The following FANCB variants were observed in gnomAD, a reference collection of about 807,000 sequenced individuals.
FANCB encodes FA complementation group B.
In FANCB, 5 loss-of-function variants were observed where a neutral mutation model predicts 38.9. The observed-to-expected ratio is 0.13, with a 90% CI of 0.07 to 0.27. The LOEUF (loss-of-function observed/expected upper bound fraction) is 0.27. Ranked by LOEUF, FANCB falls within the 10% of genes least tolerant of loss-of-function variation. FANCB has a pLI of 1.00. For missense variants in FANCB, 573 were observed against 602.7 expected (o/e 0.95, Z 0.52); for synonymous variants, 236 against 215.4 (o/e 1.10, Z -0.84).
the FANCB span, among the ~76,000 whole-genome samples, chrX:14,810,560 G>T: frequency 3.6e-5 from 4 of 111,886 alleles, no homozygotes; most frequent in South Asian, 1.1e-3. Context: ...GGAAGAAAGG[G>T]TATCAGTGAT....
chrX:14,851,559 G>C (rs960645274), intron 6 of FANCB, among the ~76,000 whole-genome samples: 2 of 111,877 alleles, frequency 1.8e-5, no homozygotes, highest in African/African-American at 6.5e-5. Flanking sequence ...TGACACTACT[G>C]CCAGTAGCTG....
the FANCB span, among the ~76,000 whole-genome samples, chrX:14,720,141 A>AGT: frequency 9.0e-6 from 1 of 111,414 alleles, no homozygotes; most frequent in African/African-American, 3.3e-5. Flanking sequence ...TACAGTAAAC[A>AGT]ATAATTTATT....
the FANCB span, among the ~76,000 whole-genome samples, chrX:14,758,721 A>T: frequency 1.8e-5 from 2 of 112,026 alleles, no homozygotes; most frequent in East Asian, 5.6e-4. Flanking sequence ...AAGAATCTGA[A>T]CAACAGCCCT....
the FANCB span, among the ~76,000 whole-genome samples, chrX:14,775,190 C>A: frequency 4.0e-3 from 142 of 35,365 alleles, 1 homozygote; most frequent in African/African-American, 0.014. Context: ...TTTTTTTTTA[C>A]TTTGGTACCG....
chrX:14,730,810 C>CAAGTT, the FANCB span: 1 of 199,585 alleles, frequency 5.0e-6, no homozygotes, highest in East Asian at 1.1e-4. Flanking sequence ...TATGCGGGGT[C>CAAGTT]AAGTTCTTAA....
intron 7 of FANCB, 99 bp from the exon 8 acceptor site, chrX:14,845,385 C>G: frequency 1.6e-6 from 1 of 630,036 alleles, no homozygotes. Context: ...AATGTTTATT[C>G]TTTCCTTTCC....
At chrX:14,736,488 G>C in the FANCB span, among the ~76,000 whole-genome samples, 3 of 111,678 alleles carry the variant, frequency 2.7e-5, no homozygotes, top group Non-Finnish European at 5.7e-5. Flanking sequence ...TTGACTAGGG[G>C]AGGGAGTTCC....
the FANCB span, among the ~76,000 whole-genome samples, chrX:14,771,320 T>A: frequency 9.0e-6 from 1 of 111,430 alleles, no homozygotes; most frequent in Non-Finnish European, 1.9e-5. Context: ...TCTAGGAGGT[T>A]TTGTTCATTC....
At chrX:14,869,668 C>A (rs974961256) in intron 1 of FANCB, among the ~76,000 whole-genome samples, 6 of 112,286 alleles carry the variant, frequency 5.3e-5, no homozygotes, top group African/African-American at 1.9e-4. Flanking sequence ...CAAAAGCTTA[C>A]ATGCCCCTTG....
chrX:14,857,813 A>G, intron 5 of FANCB, 49 bp downstream of exon 5: 1 of 852,295 alleles, frequency 1.2e-6, no homozygotes, highest in Non-Finnish European at 1.8e-6. Flanking sequence ...TCTTTCCTTC[A>G]TTTAGAATAA....
the FANCB span, among the ~76,000 whole-genome samples, chrX:14,768,827 T>C: frequency 1.8e-5 from 2 of 111,385 alleles, no homozygotes; most frequent in Non-Finnish European, 3.8e-5. Context: ...TATTTTGAGT[T>C]ATCTTCCTTC....
the FANCB span, among the ~76,000 whole-genome samples, chrX:14,702,109 C>T: frequency 3.6e-5 from 4 of 111,658 alleles, no homozygotes; most frequent in Non-Finnish European, 5.6e-5. Context: ...GCTGAGGAAA[C>T]GGTTATGCAG....
the FANCB span, among the ~76,000 whole-genome samples, chrX:14,808,519 C>T: frequency 9.0e-6 from 1 of 111,676 alleles, no homozygotes; most frequent in Non-Finnish European, 1.9e-5. Flanking sequence ...AACATCCTGT[C>T]GTGATAAAAC....
At chrX:14,820,806 A>G in the FANCB span, among the ~76,000 whole-genome samples, 1 of 111,824 alleles carries the variant, frequency 8.9e-6, no homozygotes, top group African/African-American at 3.2e-5. Flanking sequence ...TATTATAGTT[A>G]TAGATGTTAA....
the FANCB span, among the ~76,000 whole-genome samples, chrX:14,825,174 T>C: frequency 1.8e-5 from 2 of 112,490 alleles, no homozygotes; most frequent in African/African-American, 6.5e-5. Context: ...TGATTTTCCA[T>C]GAAGTGCGTG....
chrX:14,754,149 A>G, the FANCB span, among the ~76,000 whole-genome samples: 1 of 112,483 alleles, frequency 8.9e-6, no homozygotes, highest in African/African-American at 3.2e-5. Flanking sequence ...CAGCCATGAC[A>G]CCATACACAC....
the FANCB span, among the ~76,000 whole-genome samples, chrX:14,702,002 C>T: frequency 2.7e-5 from 3 of 112,302 alleles, no homozygotes; most frequent in Admixed American, 9.4e-5. Flanking sequence ...AAAGCATCTT[C>T]TCCACTTGGT....
chrX:14,742,717 T>C, the FANCB span, among the ~76,000 whole-genome samples: 1 of 112,147 alleles, frequency 8.9e-6, no homozygotes, highest in African/African-American at 3.2e-5. Context: ...TGCCTAAACA[T>C]CAAAAAGGCT....
At chrX:14,795,828 T>G in the FANCB span, among the ~76,000 whole-genome samples, 1 of 111,464 alleles carries the variant, frequency 9.0e-6, no homozygotes, top group African/African-American at 3.3e-5. Flanking sequence ...GAAAGAGACA[T>G]CAATGCAATA....
Sources: allele counts gnomAD v4.1 joint callset (sites outside exome capture counted in the v4.1 genomes callset), GRCh38; gene constraint gnomAD v4.1.1; transcripts MANE v1.5; gene names NCBI Gene and HGNC (gene_info 2026-07-23, HGNC 2026-07-21).